Variants in MSRB1 observed in about 807,000 individuals in gnomAD.
The protein encoded by MSRB1 is methionine sulfoxide reductase B1.
MSRB1 carries 13 observed loss-of-function variants against 15.2 expected under a neutral mutation model. The observed-to-expected ratio is 0.86, with a 90% confidence interval of 0.56 to 1.36. The LOEUF is 1.36. MSRB1 is among the 40% of genes most tolerant of loss of function. MSRB1 has a pLI of 0.00. For synonymous variants in MSRB1, 68 were observed against 64.5 expected (o/e 1.05, Z -0.26); for missense variants, 174 against 155.9 (o/e 1.12, Z -0.62).
chr16:1,941,612 A>G (rs896302920), intron 1 of MSRB1: 2 of 632,154 alleles, frequency 3.2e-6, no homozygotes, highest in Non-Finnish European at 5.4e-6. Flanking sequence ...ACCTTTCACA[A>G]TTATCTCCTT....
At chr16:1,941,480 C>T (rs2083077049) in intron 1 of MSRB1, 75 bp from the exon 2 acceptor site, 1 of 1,503,254 alleles carries the variant, frequency 6.7e-7, no homozygotes, top group Non-Finnish European at 8.9e-7. Flanking sequence ...AATCCACCAA[C>T]CCAGGCAAAG....
chr16:1,941,301 T>C lies in MSRB1; in HGVS notation c.160A>G (p.Ser54Gly). 1.9e-6 allele frequency: 3 copies of C among 1,613,042 alleles called. No individual in the cohort carries two copies. The African/African-American group carries it at 4.0e-5, about 22-fold the overall frequency. Residue 54 changes from serine to glycine, a missense_variant, in exon 2 of 4, where the codon AGC becomes GGC. By Grantham distance (56) the Ser-to-Gly change is moderately conservative. Transcript: ENST00000361871. ...TTGTGCTCCGGACGCTTGGCCACGC[T>C]GTCGGCGTGAATGGTCTCGGTGAAC... The part of the protein sequence containing the change: ...PAFTETIHAD[S>G]VAKRPEHNRS...
At chr16:1,940,272 GAAA>G (rs1242813427) in intron 3 of MSRB1, among the ~76,000 whole-genome samples, 2 of 124,008 alleles carry the variant, frequency 1.6e-5, no homozygotes, top group Middle Eastern at 3.8e-3. Flanking sequence ...CTCCATCTCA[GAAA>G]AAAAAAAAAA....
At chr16:1,939,607 G>A (rs1048220791) in intron 3 of MSRB1, among the ~76,000 whole-genome samples, 11 of 151,974 alleles carry the variant, frequency 7.2e-5, no homozygotes, top group African/African-American at 2.7e-4. Context: ...CCAAGGCCCA[G>A]AGGAGTTCAA....
intron 1 of MSRB1, among the ~76,000 whole-genome samples, chr16:1,942,160 T>G (rs1413431780): frequency 6.6e-6 from 1 of 152,100 alleles, no homozygotes; most frequent in Non-Finnish European, 1.5e-5. Flanking sequence ...TTCCAGGAAC[T>G]GGAGAAAAAA....
rs2083054238 is a variant in MSRB1, at chr16:1,938,550, A to C, written c.*562T>G. 6.3e-6 allele frequency: 1 copy of C among 159,978 alleles called. No homozygotes were observed. The highest frequency in any genetic ancestry group is 6.1e-5 in the Admixed American group (1 of 16,390). 9.9% of individuals were successfully genotyped at this position (159,978 alleles called of 1,614,324 possible). A position where few individuals can be genotyped will look rare whatever the true frequency, so the allele number is the denominator to read the frequency against. On this transcript the variant is annotated 3_prime_UTR_variant, in exon 4 of 4. Coordinates refer to ENST00000361871, the MANE Select transcript of MSRB1 (RefSeq NM_016332.4). Reference sequence around the variant, plus strand: ...CGAGAGGCCAAGGGTGTGCCCCATCAGCCTGCCTTCCCAGCAGGTCACAGA... The same window carrying C: ...CGAGAGGCCAAGGGTGTGCCCCATCCGCCTGCCTTCCCAGCAGGTCACAGA...
rs142095913 is a variant in MSRB1 at position 1,939,314 on chromosome 16, G to A, written c.320-171C>T. On this transcript the variant is annotated intron_variant, in intron 3 of 3. Coordinates refer to ENST00000361871, the MANE Select transcript of MSRB1 (RefSeq NM_016332.4). The stretch of plus-strand genomic sequence containing the variant: ...TTTCACACTCTGCCCTGGCCTGCAG[G>A]CCACAGGGGAGCTGAAAAGACCAGA... Among the ~76,000 whole-genome samples the A allele has an allele frequency of 3.5e-3, 533 of 152,338 alleles. 2 individuals are homozygous for A. The highest frequency in any genetic ancestry group is 0.012 in the African/African-American group (490 of 41,582).
At chr16:1,942,950 A>T (rs2083088856) in intron 1 of MSRB1, 152 bp downstream of exon 1, 2 of 1,049,638 alleles carry the variant, frequency 1.9e-6, no homozygotes, top group Admixed American at 2.5e-5. Flanking sequence ...ACTCCTCCGC[A>T]GTCCTTTTGA....
At chr16:1,940,485 CCT>C (rs987286768) in intron 3 of MSRB1, among the ~76,000 whole-genome samples, 2 of 152,250 alleles carry the variant, frequency 1.3e-5, no homozygotes, top group African/African-American at 2.4e-5. Flanking sequence ...CTGCCCCGCC[CCT>C]GACTCTAGCC....
Position 1,939,155 on chromosome 16 carries a change from G to C in MSRB1, c.320-12C>G. The C allele has an allele frequency of 6.2e-7, 1 of 1,602,270 alleles. No homozygotes were observed. Among genetic ancestry groups the C allele is most frequent in the Non-Finnish European group, 8.5e-7 (1 of 1,176,446 alleles). On this transcript the variant is annotated splice_polypyrimidine_tract_variant and intron_variant, in intron 3 of 3. Coordinates refer to ENST00000361871, the MANE Select transcript of MSRB1 (RefSeq NM_016332.4). ...AGAAGTTTCTTTGCCTGAAAGAGAG[G>C]AGAGGGGGCGGAAAGTATGCGGGGA...
intron 1 of MSRB1, chr16:1,941,620 C>T (rs2083078185): frequency 1.6e-6 from 1 of 620,410 alleles, no homozygotes; most frequent in East Asian, 2.8e-5. Flanking sequence ...CAATTATCTC[C>T]TTGATTCTTC....
chr16:1,938,971 C>T lies in MSRB1; in HGVS notation c.*141G>A, dbSNP rs944228638. 8.3e-6 allele frequency: 9 copies of T among 1,081,252 alleles called. No individual in the cohort carries two copies. The highest frequency in any genetic ancestry group is 6.3e-5 in the African/African-American group (4 of 63,030). 67.0% of individuals were successfully genotyped at this position (1,081,252 alleles called of 1,614,324 possible). A position where few individuals can be genotyped will look rare whatever the true frequency, so the allele number is the denominator to read the frequency against. ...GAAACGAAAAGGTCTTGTTCAGAGC[C>T]GGGGCCTTGGGAGTGTCCTGATGTT... On this transcript the variant is annotated 3_prime_UTR_variant, in exon 4 of 4. Coordinates refer to ENST00000361871, the MANE Select transcript of MSRB1 (RefSeq NM_016332.4).
At chr16:1,942,778 G>A (rs1438115380) in intron 1 of MSRB1, among the ~76,000 whole-genome samples, 1 of 152,204 alleles carries the variant, frequency 6.6e-6, no homozygotes, top group Non-Finnish European at 1.5e-5. Context: ...CATCACTTTG[G>A]AGTGTAGGGG....
chr16:1,940,399 T>C (rs1228214134), intron 3 of MSRB1, among the ~76,000 whole-genome samples: 1 of 152,200 alleles, frequency 6.6e-6, no homozygotes, highest in Non-Finnish European at 1.5e-5. Flanking sequence ...AGGCAGGCTC[T>C]GAGCGGCTAA....
chr16:1,942,970 G>C, intron 1 of MSRB1, 132 bp downstream of exon 1: 2 of 1,279,338 alleles, frequency 1.6e-6, no homozygotes, highest in African/African-American at 3.0e-5. Flanking sequence ...ACCCCTGTTC[G>C]CTTCTCCCCG....
In MSRB1 at chr16:1,941,357, G is replaced by C. The variant is rs1289568700; in HGVS notation, c.104C>G (p.Ser35Trp). 6 of 1,613,784 alleles carry C rather than the reference G, an allele frequency of 3.7e-6. No individual in the cohort carries two copies. Among genetic ancestry groups the C allele is most frequent in the Non-Finnish European group, 4.2e-6 (5 of 1,179,970 alleles). ...CCATGGAGACGAGTGTGCATACTTC[G>C]AGCGGCTGGAGAACAGCTCATAGCC... The part of the protein sequence containing the change: ...KCGYELFSSR[S>W]KYAHSSPWPA... The change falls in exon 2 of 4, where the codon TCG becomes TGG. Residue 35 changes from serine (S) to tryptophan (W), a missense_variant. Physicochemically the swap from Ser to Trp is radical, Grantham distance 177 (BLOSUM62 -3). Coordinates refer to ENST00000361871, the MANE Select transcript of MSRB1 (RefSeq NM_016332.4).
At chr16:1,942,566 C>T (rs112656723) in intron 1 of MSRB1, among the ~76,000 whole-genome samples, 14 of 152,350 alleles carry the variant, frequency 9.2e-5, no homozygotes, top group African/African-American at 3.4e-4. Flanking sequence ...GGGGAGGCAC[C>T]TGGGCCGGCA....
At chr16:1,941,136 G>A (rs1207713950) in intron 2 of MSRB1, 121 bp downstream of exon 2, 2 of 1,554,276 alleles carry the variant, frequency 1.3e-6, no homozygotes, top group African/African-American at 1.4e-5. Flanking sequence ...AGAGGCAACA[G>A]GCCTGGAATA....
In MSRB1 at chr16:1,938,761, C is replaced by G; in HGVS notation, c.*351G>C. ...GAATTGGGCCTCACAGGGGAGAGTC[C>G]AGAGACAGGGCCAGGAAAAGAAGGT... On this transcript the variant is annotated 3_prime_UTR_variant, in exon 4 of 4. Transcript: ENST00000361871. 2.8e-6 allele frequency: 1 copy of G among 355,322 alleles called. No individual in the cohort carries two copies. Among genetic ancestry groups the G allele is most frequent in the South Asian group, 2.8e-5 (1 of 35,508 alleles). The allele number at this position is 355,322 out of a possible 1,614,324, so 22.0% of individuals were successfully genotyped here.
Sources: allele counts gnomAD v4.1 joint callset (sites outside exome capture counted in the v4.1 genomes callset), GRCh38; gene constraint gnomAD v4.1.1; transcripts MANE v1.5; gene names NCBI Gene and HGNC (gene_info 2026-07-23, HGNC 2026-07-21).